TAFA2: variants seen among roughly 807,000 people sequenced by gnomAD.
TAFA2 encodes chemokine-like protein TAFA-2.
TAFA2 carries 7 observed loss-of-function variants against 18.8 expected under a neutral mutation model. The observed-to-expected ratio is 0.37, with a 90% CI of 0.21 to 0.70. TAFA2 has a LOEUF of 0.70. Ranked by LOEUF, TAFA2 falls within the 30% of genes least tolerant of loss-of-function variation. The probability of loss-of-function intolerance (pLI) is 0.53; values close to 1 mark genes in which losing one functional copy is unlikely to be tolerated. For synonymous variants in TAFA2, 60 were observed against 54.2 expected (o/e 1.11, Z -0.47); for missense variants, 122 against 158.1 (o/e 0.77, Z 1.23).
At chr12:62,004,096 T>C (rs1880468100) in intron 1 of TAFA2, among the ~76,000 whole-genome samples, 1 of 152,088 alleles carries the variant, frequency 6.6e-6, no homozygotes, top group South Asian at 2.1e-4. Context: ...TGAATAGCAG[T>C]GACTAAAATC....
chr12:62,243,010 T>A (rs1332306470), intron 1 of TAFA2, among the ~76,000 whole-genome samples: 1 of 152,250 alleles, frequency 6.6e-6, no homozygotes, highest in Non-Finnish European at 1.5e-5. Context: ...GAAAATTGGA[T>A]AACAATGTGT....
chr12:62,123,772 CCACACACATACACACACA>C (rs1257318256), intron 1 of TAFA2, among the ~76,000 whole-genome samples: 3 of 69,022 alleles, frequency 4.3e-5, no homozygotes, highest in East Asian at 3.2e-4. Flanking sequence ...ATCTCCCCCA[CCACACACATACACACACA>C]CACACACACA....
intron 4 of TAFA2, among the ~76,000 whole-genome samples, chr12:61,751,614 A>G (rs1869019047): frequency 6.6e-6 from 1 of 151,838 alleles, no homozygotes; most frequent in South Asian, 2.1e-4. Context: ...CTCCATTACC[A>G]GCTATTCTTT....
intron 4 of TAFA2, among the ~76,000 whole-genome samples, chr12:61,721,953 C>T (rs1869921825): frequency 2.3e-5 from 1 of 42,748 alleles, no homozygotes; most frequent in South Asian, 8.7e-4. Flanking sequence ...GAGACTCTCT[C>T]TCAAAAAAAA....
At chr12:62,137,226 G>A (rs1870933373) in intron 1 of TAFA2, among the ~76,000 whole-genome samples, 1 of 152,052 alleles carries the variant, frequency 6.6e-6, no homozygotes, top group African/African-American at 2.4e-5. Context: ...ACAGTTCATG[G>A]GCAAATAAAC....
chr12:61,851,974 G>A (rs929204931), intron 2 of TAFA2, among the ~76,000 whole-genome samples: 2 of 151,704 alleles, frequency 1.3e-5, no homozygotes, highest in African/African-American at 4.8e-5. Flanking sequence ...TTGGGAGGCC[G>A]AGGGGGGCAG....
At chr12:61,818,810 A>G (rs1207184724) in intron 2 of TAFA2, among the ~76,000 whole-genome samples, 2 of 152,198 alleles carry the variant, frequency 1.3e-5, no homozygotes, top group Non-Finnish European at 2.9e-5. Context: ...TTGTATGTCA[A>G]CTTTTATTTT....
chr12:61,826,824 T>G (rs1872551404), intron 2 of TAFA2, among the ~76,000 whole-genome samples: 1 of 152,026 alleles, frequency 6.6e-6, no homozygotes, highest in African/African-American at 2.4e-5. Flanking sequence ...ACTTTTTTCT[T>G]GGGTTTTATG....
chr12:61,880,218 A>G, intron 1 of TAFA2: 1 of 495,598 alleles, frequency 2.0e-6, no homozygotes, highest in Non-Finnish European at 3.8e-6. Context: ...CACGGGGATA[A>G]CCTGAGGTGT....
At chr12:61,722,823 A>T (rs1161100728) in intron 4 of TAFA2, among the ~76,000 whole-genome samples, 1 of 152,046 alleles carries the variant, frequency 6.6e-6, no homozygotes, top group East Asian at 1.9e-4. Flanking sequence ...CCTGGTGTGT[A>T]TAATTGCAAT....
intron 1 of TAFA2, among the ~76,000 whole-genome samples, chr12:61,975,514 C>CGTGTGTGTGTGTGTGTGTGT (rs3031098): frequency 0.03 from 4,074 of 136,568 alleles, 163 homozygotes; most frequent in African/African-American, 0.063. Flanking sequence ...CAATAATATT[C>CGTGTGTGTGTGTGTGTGTGT]GTGTGTGTGT....
chr12:62,096,853 G>C lies in TAFA2; in HGVS notation c.-2+94406C>G, dbSNP rs560493674. On this transcript the variant is annotated intron_variant, in intron 1 of 4. Transcript: ENST00000416284. ...GTAATGTCACACAATTTCTCTTAGG[G>C]GCTGTTGAGCAGCAGGTACACATAC... is the stretch of plus-strand genomic sequence containing the variant. Among the ~76,000 whole-genome samples, 11 of 152,132 alleles carry C rather than the reference G, an allele frequency of 7.2e-5. No homozygotes were observed. The South Asian group carries it at 2.3e-3, about 32-fold the overall frequency.
chr12:62,022,651 T>C (rs1206177386), intron 1 of TAFA2, among the ~76,000 whole-genome samples: 1 of 149,242 alleles, frequency 6.7e-6, no homozygotes, highest in Non-Finnish European at 1.5e-5. Context: ...TTTAACCCTT[T>C]TCTGGATGAA....
chr12:62,133,618 C>T (rs1200401332), intron 1 of TAFA2, among the ~76,000 whole-genome samples: 1 of 151,978 alleles, frequency 6.6e-6, no homozygotes, highest in East Asian at 1.9e-4. Flanking sequence ...CCATTGCTTA[C>T]AAATGAAAGT....
chr12:61,999,162 G>C (rs1447107202), intron 1 of TAFA2, among the ~76,000 whole-genome samples: 2 of 152,168 alleles, frequency 1.3e-5, no homozygotes, highest in Non-Finnish European at 2.9e-5. Context: ...TTTAATTCTA[G>C]GGGGTAGTTC....
At chr12:62,015,308 A>AT (rs1880898929) in intron 1 of TAFA2, among the ~76,000 whole-genome samples, 2 of 152,246 alleles carry the variant, frequency 1.3e-5, no homozygotes, top group Admixed American at 6.5e-5. Context: ...CATCTAAAAC[A>AT]TAACAGGTAC....
chr12:61,849,198 C>T (rs960273899), intron 2 of TAFA2, among the ~76,000 whole-genome samples: 84 of 152,150 alleles, frequency 5.5e-4, no homozygotes, highest in Non-Finnish European at 7.4e-5. Context: ...GGTCTTTATA[C>T]CAATCCAGTG....
intron 1 of TAFA2, among the ~76,000 whole-genome samples, chr12:62,221,225 GGAAGGAA>G (rs2062760596): frequency 7.7e-6 from 1 of 130,468 alleles, no homozygotes. Flanking sequence ...GGGGAAGGAA[GGAAGGAA>G]GGAAGGAAGG....
chr12:62,131,468 C>T (rs1482220744), intron 1 of TAFA2, among the ~76,000 whole-genome samples: 1 of 151,988 alleles, frequency 6.6e-6, no homozygotes, highest in Non-Finnish European at 1.5e-5. Context: ...GGCATGTTAC[C>T]TGAGTAGTGT....
Sources: gnomAD v4.1 joint callset for allele counts (sites outside exome capture counted in the v4.1 genomes callset) on GRCh38, gnomAD v4.1.1 for gene constraint, MANE v1.5 for transcripts, NCBI Gene and HGNC (gene_info 2026-07-23, HGNC 2026-07-21) for gene names.